WDR24: variants seen among roughly 807,000 people sequenced by gnomAD.
The protein encoded by WDR24 is GATOR2 complex protein WDR24.
A neutral mutation model predicts 66.7 loss-of-function variants in WDR24; 32 were observed. The observed-to-expected ratio is 0.48, with a 90% CI of 0.36 to 0.64. The LOEUF (loss-of-function observed/expected upper bound fraction) is 0.64. Among genes scored for constraint, WDR24 ranks in the 30% least tolerant of loss-of-function variants. WDR24 has a pLI of 0.00. For synonymous variants in WDR24, 565 were observed against 469.1 expected (o/e 1.20, Z -2.64); for missense variants, 978 against 1,144.1 (o/e 0.85, Z 2.09).
In WDR24 at chr16:687,340, G is replaced by A; in HGVS notation, c.736C>T (p.His246Tyr). ...ACCGAGGCGATGGTCTGCACACAGT[G>A]CATCTCCTTGGCACGGTGCGTGGTC... Reference protein sequence around the residue: ...DMTTHRAKEMHCVQTIASVAR... With the variant: ...DMTTHRAKEMYCVQTIASVAR... The change falls in exon 3 of 9, where the codon CAC becomes TAC. Residue 246 changes from histidine (H) to tyrosine (Y), a missense_variant. Physicochemically the swap from His to Tyr is moderately conservative, Grantham distance 83. Transcript: ENST00000293883. The A allele has an allele frequency of 6.2e-7, 1 of 1,607,978 alleles. No homozygotes were observed. Among genetic ancestry groups the A allele is most frequent in the Non-Finnish European group, 8.5e-7 (1 of 1,177,518 alleles).
In WDR24 at chr16:685,890, C is replaced by T. The variant is rs1338376818; in HGVS notation, c.1552G>A (p.Ala518Thr). The change falls in exon 5 of 9, where the codon GCC becomes ACC. Residue 518 changes from alanine (A) to threonine (T), a missense_variant. Ala to Thr is a moderately conservative substitution (Grantham distance 58). Coordinates refer to ENST00000293883, the MANE Select transcript of WDR24 (RefSeq NM_032259.4). ...RSDTVLLDSS[A>T]TLITNEDNEE... ...CTACCCTCATTGGTGATGAGTGTGG[C>T]CGAGGAGTCGAGCAGAACTGTGTCG... 3 of 1,613,124 alleles carry T rather than the reference C, an allele frequency of 1.9e-6. No homozygotes were observed. Among genetic ancestry groups the T allele is most frequent in the South Asian group, 1.1e-5 (1 of 91,086 alleles).
chr16:689,093 G>C lies in WDR24; in HGVS notation c.481+67C>G, dbSNP rs756874834. 2.5e-6 allele frequency: 4 copies of C among 1,582,238 alleles called. No homozygotes were observed. The South Asian group carries it at 3.5e-5, about 14-fold the overall frequency. The stretch of plus-strand genomic sequence containing the variant: ...CCTCTGATGCACGGAGCCCTTTTCC[G>C]CCTGCATGGACAGGCTGGGCACCGG... On this transcript the variant is annotated intron_variant, in intron 1 of 8. Transcript: ENST00000293883.
chr16:689,954 C>A lies in WDR24; in HGVS notation c.-314G>T. 1.7e-6 allele frequency: 1 copy of A among 591,070 alleles called. No homozygotes were observed. Among genetic ancestry groups the A allele is most frequent in the Non-Finnish European group, 3.2e-6 (1 of 313,826 alleles). 36.6% of individuals were successfully genotyped at this position (591,070 alleles called of 1,614,324 possible). On this transcript the variant is annotated 5_prime_UTR_variant, in exon 1 of 9. Transcript: ENST00000293883. ...ACGGAAGACTCTAGCTGGACATTCC[C>A]GGCCCAGGCCACCTCTCGGTACCCC...
rs1432627142 is a variant in WDR24, at chr16:689,430, G to T, written c.211C>A (p.Pro71Thr). 6.2e-7 allele frequency: 1 copy of T among 1,613,632 alleles called. No individual in the cohort carries two copies. The highest frequency in any genetic ancestry group is 8.5e-7 in the Non-Finnish European group (1 of 1,180,010). Residue 71 changes from proline to threonine, a missense_variant, in exon 1 of 9, where the codon CCT (proline) becomes ACT (threonine). By Grantham distance (38) the Pro-to-Thr change is conservative. Transcript: ENST00000293883. ...TCAGCACAGCTCAGGTTAAGCGAAGGCTTGCGCCCCACACGCAGGTTCAGC... is the reference window on the plus strand; with the variant it reads ...TCAGCACAGCTCAGGTTAAGCGAAGTCTTGCGCCCCACACGCAGGTTCAGC... The part of the protein sequence containing the change: ...EKLNLRVGRK[P>T]SLNLSCADVV...
intron 8 of WDR24, 24 bp downstream of exon 8, chr16:684,968 C>T (rs760514508): frequency 2.6e-6 from 4 of 1,538,438 alleles, no homozygotes; most frequent in Non-Finnish European, 3.5e-6. Context: ...GCCCCTGCCC[C>T]ACCTCCCGAC....
At chr16:685,211 G>A (rs1302476757) in intron 7 of WDR24, 35 bp from the exon 8 acceptor site, 1 of 1,598,418 alleles carries the variant, frequency 6.3e-7, no homozygotes, top group Non-Finnish European at 8.5e-7. Flanking sequence ...CAGGATCTGG[G>A]TGCCAGGGGC....
intron 7 of WDR24, 27 bp downstream of exon 7, chr16:685,230 A>G (rs763315710): frequency 1.3e-6 from 2 of 1,595,884 alleles, no homozygotes; most frequent in South Asian, 2.2e-5. Context: ...GCGGCGCTGC[A>G]GGGGGGAGGC....
Position 687,040 on chromosome 16 carries a change from C to T in WDR24, c.1036G>A (p.Gly346Ser), listed in dbSNP as rs759784506. The T allele has an allele frequency of 2.4e-5, 38 of 1,603,518 alleles. No individual in the cohort carries two copies. Among genetic ancestry groups the T allele is most frequent in the Middle Eastern group, 1.6e-4 (1 of 6,076 alleles). ...GCGAAGGCCAGGTCCCCGAAGAGGC[C>T]GTAGCAGAGGCCCTCAGGGTTGGCG... The part of the protein sequence containing the change: ...ERANPEGLCY[G>S]LFGDLAFAAK... Residue 346 changes from glycine to serine, a missense_variant, in exon 3 of 9, where the codon GGC becomes AGC. Physicochemically the swap from Gly to Ser is moderately conservative, Grantham distance 56. Around this residue, in one of 2 missense-constraint regions of WDR24, gnomAD observed 302 missense variants for 526.6 expected, o/e 0.57. Coordinates refer to ENST00000293883, the MANE Select transcript of WDR24 (RefSeq NM_032259.4).
Position 685,086 on chromosome 16 carries a change from C to A in WDR24, c.2110G>T (p.Ala704Ser). 6.4e-7 allele frequency: 1 copy of A among 1,555,982 alleles called. No homozygotes were observed. Among genetic ancestry groups the A allele is most frequent in the Non-Finnish European group, 8.7e-7 (1 of 1,150,786 alleles). ...NEVVKLSTSR[A>S]VSCLNQASTT... ...GAGGCCTGGTTGAGGCAGCTGACGG[C>A]GCGGCTGGTGCTCAGCTTGACCACC... is the stretch of plus-strand genomic sequence containing the variant. Residue 704 changes from alanine (A) to serine (S), a missense_variant, in exon 8 of 9, where the codon GCC (alanine) becomes TCC (serine). Coordinates refer to ENST00000293883, the MANE Select transcript of WDR24 (RefSeq NM_032259.4).
At chr16:687,799 A>AGAACAGCTGTGGCATGGTGTC (rs1307260128) in intron 1 of WDR24, 60 bp from the exon 2 acceptor site, 2 of 1,573,246 alleles carry the variant, frequency 1.3e-6, no homozygotes, top group Non-Finnish European at 1.7e-6. Flanking sequence ...GTGCGCCCTC[A>AGAACAGCTGTGGCATGGTGTC]GAACAGCTGT....
rs772566993 is a variant in WDR24 at position 685,684 on chromosome 16, G to A, written c.1673C>T (p.Ala558Val). 24 of 1,612,862 alleles carry A rather than the reference G, an allele frequency of 1.5e-5. No homozygotes were observed. Among genetic ancestry groups the A allele is most frequent in the Non-Finnish European group, 1.9e-5 (23 of 1,180,012 alleles). The change falls in exon 6 of 9, where the codon GCG becomes GTG. Residue 558 changes from alanine (A) to valine (V), a missense_variant. Transcript: ENST00000293883. ...DELYLLDPEH[A>V]HPEDPECVLP... The stretch of plus-strand genomic sequence containing the variant: ...CTGCCCGGACCCCCACTCACGGTGC[G>A]CGTGTTCCGGATCCAGCAGGTACAG...
At chr16:688,671 G>T (rs1229020401) in intron 1 of WDR24, among the ~76,000 whole-genome samples, 1 of 152,354 alleles carries the variant, frequency 6.6e-6, no homozygotes, top group African/African-American at 2.4e-5. Context: ...GTCTCCTCCA[G>T]GTGAACAAGG....
chr16:685,832 C>T (rs1303578666), intron 5 of WDR24, 37 bp downstream of exon 5: 2 of 1,613,052 alleles, frequency 1.2e-6, no homozygotes, highest in African/African-American at 2.7e-5. Flanking sequence ...ACACCCCCAC[C>T]CCTCTCCCAT....
chr16:688,528 G>A lies in WDR24; in HGVS notation c.481+632C>T, dbSNP rs542293957. 7.2e-5 allele frequency among the ~76,000 whole-genome samples: 11 copies of A among 152,336 alleles called. 1 individual carries two copies. In the South Asian group the frequency reaches 2.1e-3, roughly 29 times the overall value. ...AGGAGGGTCTCAATCTCCTGACCTCGTGATCGGCCTGCCTCGGCCTCCCAA... is the reference window on the plus strand; with the variant it reads ...AGGAGGGTCTCAATCTCCTGACCTCATGATCGGCCTGCCTCGGCCTCCCAA... On this transcript the variant is annotated intron_variant, in intron 1 of 8. Transcript: ENST00000293883.
chr16:684,746 G>T lies in WDR24; in HGVS notation c.2361C>A (p.Cys787Ter). The T allele has an allele frequency of 6.3e-7, 1 of 1,597,880 alleles. No homozygotes were observed. Residue 787 changes from cysteine (C) to a stop codon, truncating the protein, a stop_gained, in exon 9 of 9, where the codon TGC (cysteine) becomes TGA (stop). Transcript: ENST00000293883. LOFTEE classifies it high-confidence loss of function. Reference protein sequence around the residue: ...SHCPAGCGHLCEYS With the variant: ...SHCPAGCGHL ...AGCAGATGCCCCGTCAGGAGTACTC[G>T]CAGAGGTGGCCGCAGCCTGCGGGAC... is the stretch of plus-strand genomic sequence containing the variant.
rs907058792 is a variant in WDR24, at chr16:690,383, C to G, written c.-743G>C. 9 of 456,704 alleles carry G rather than the reference C, an allele frequency of 2.0e-5. No homozygotes were observed. Among genetic ancestry groups the G allele is most frequent in the Middle Eastern group, 3.3e-4 (1 of 3,076 alleles). The allele number at this position is 456,704 out of a possible 1,614,324, so 28.3% of individuals were successfully genotyped here. A position where few individuals can be genotyped will look rare whatever the true frequency, so the allele number is the denominator to read the frequency against. ...CTAAAAGCGCACGGTTGTCCGGAAC[C>G]GCCGCGCCGGAAGCCGCTGTCTTTC... On this transcript the variant is annotated 5_prime_UTR_variant, in exon 1 of 9. Transcript: ENST00000293883.
At chr16:686,364 G>C (rs1334510459) in intron 3 of WDR24, among the ~76,000 whole-genome samples, 178 bp from the exon 4 acceptor site, 1 of 152,194 alleles carries the variant, frequency 6.6e-6, no homozygotes, top group African/African-American at 2.4e-5. Context: ...CCCGGTCCCC[G>C]CCCTACAGCA....
At chr16:687,440 A>T in intron 2 of WDR24, 24 bp from the exon 3 acceptor site, 1 of 1,572,342 alleles carries the variant, frequency 6.4e-7, no homozygotes, top group South Asian at 1.2e-5. Context: ...GTCCACCCAA[A>T]CCCTCAGTGG....
In WDR24 at chr16:686,996, C is replaced by T. The variant is rs1427807259; in HGVS notation, c.1080G>A (p.Val360=). 1 of 1,601,172 alleles carries T rather than the reference C, an allele frequency of 6.2e-7. No individual in the cohort carries two copies. Among genetic ancestry groups the T allele is most frequent in the Non-Finnish European group, 8.5e-7 (1 of 1,177,828 alleles). The change falls in exon 3 of 9, where the codon GTG becomes GTA. Residue 360 remains valine (V), a synonymous_variant. Transcript: ENST00000293883. ...AGGGCTTGCGCCCCGACTCGGCAGCCACGAGGCTCTCCTTGGCGGCGAAGG... is the reference window on the plus strand; with the variant it reads ...AGGGCTTGCGCCCCGACTCGGCAGCTACGAGGCTCTCCTTGGCGGCGAAGG... ...DLAFAAKESL[V]AAESGRKPYT... is the part of the protein sequence containing the mutation.
Sources: allele counts gnomAD v4.1 joint callset (sites outside exome capture counted in the v4.1 genomes callset), GRCh38; gene constraint gnomAD v4.1.1; regional missense constraint gnomAD v4.1.1; transcripts MANE v1.5; gene names NCBI Gene and HGNC (gene_info 2026-07-23, HGNC 2026-07-21).